The following MYO1E variants were observed in gnomAD, a reference collection of about 807,000 sequenced individuals.
MYO1E encodes the protein myosin IE, also known as unconventional myosin-Ie.
Under a neutral mutation model 151.1 loss-of-function variants are expected in MYO1E, and 68 were observed. That is an observed-to-expected ratio of 0.45 (90% CI 0.37 to 0.55). MYO1E has a LOEUF of 0.55. Among genes scored for constraint, MYO1E ranks in the 20% least tolerant of loss-of-function variants. MYO1E has a pLI of 0.00. For missense variants in MYO1E, 1,363 were observed against 1,389.3 expected (o/e 0.98, Z 0.30); for synonymous variants, 601 against 501.7 (o/e 1.20, Z -2.64).
At chr15:59,208,616 G>T (rs544328140) in intron 14 of MYO1E, 65 bp downstream of exon 14, 13 of 1,578,426 alleles carry the variant, frequency 8.2e-6, no homozygotes, top group Middle Eastern at 1.7e-4. Flanking sequence ...TTTGCTTCAT[G>T]AGAAACCAGA....
chr15:59,354,238 C>T (rs1055834002), intron 1 of MYO1E, among the ~76,000 whole-genome samples: 1 of 152,128 alleles, frequency 6.6e-6, no homozygotes, highest in Non-Finnish European at 1.5e-5. Context: ...CCTTTGAGAC[C>T]GTCCTGGCCT....
At position 59,188,070 on chromosome 15, in the gene MYO1E, A is replaced by T. The variant is rs371590184; in HGVS notation, c.1904+48T>A. 356 of 1,352,896 alleles carry T rather than the reference A, an allele frequency of 2.6e-4. 1 individual carries two copies. In the South Asian group the frequency reaches 3.3e-3, roughly 12 times the overall value. The allele number at this position is 1,352,896 out of a possible 1,614,324, so 83.8% of individuals were successfully genotyped here. A position where few individuals can be genotyped will look rare whatever the true frequency, so the allele number is the denominator to read the frequency against. ...GGTGAATTGTATAGATTTGAATTAT[A>T]GCTCAATAAACCTGTTTTAAAAAAG... On this transcript the variant is annotated intron_variant, in intron 18 of 27. Transcript: ENST00000288235.
At chr15:59,318,445 T>G (rs2080603139) in intron 1 of MYO1E, among the ~76,000 whole-genome samples, 1 of 152,166 alleles carries the variant, frequency 6.6e-6, no homozygotes, top group Non-Finnish European at 1.5e-5. Flanking sequence ...TTTTTATAAT[T>G]GTCAAAGCAA....
chr15:59,191,376 T>C (rs559305379), intron 17 of MYO1E, among the ~76,000 whole-genome samples: 1 of 118,898 alleles, frequency 8.4e-6, no homozygotes, highest in South Asian at 2.3e-4. Flanking sequence ...GAGAAAGAAA[T>C]GTCATGTCAA....
chr15:59,306,388 A>G (rs2140407147), intron 1 of MYO1E, among the ~76,000 whole-genome samples: 1 of 152,360 alleles, frequency 6.6e-6, no homozygotes, highest in Non-Finnish European at 1.5e-5. Flanking sequence ...CCTAGGGCAC[A>G]TTAATGAAAG....
At chr15:59,368,210 C>T (rs917116451) in intron 1 of MYO1E, among the ~76,000 whole-genome samples, 3 of 152,278 alleles carry the variant, frequency 2.0e-5, no homozygotes, top group East Asian at 1.9e-4. Context: ...GTAATATGGT[C>T]GATATAACCA....
chr15:59,153,668 T>C lies in MYO1E; in HGVS notation c.3002A>G (p.Gln1001Arg). 1 of 1,614,192 alleles carries C rather than the reference T, an allele frequency of 6.2e-7. No homozygotes were observed. Reference protein sequence around the residue: ...SMARPPLPRQQSTSSDRVSQT... With the variant: ...SMARPPLPRQRSTSSDRVSQT... ...TGACACTCGGTCTGAACTGGTAGACTGCTGCCGAGGCAAGGGCGGGCGGGC... is the reference window on the plus strand; with the variant it reads ...TGACACTCGGTCTGAACTGGTAGACCGCTGCCGAGGCAAGGGCGGGCGGGC... Residue 1001 changes from glutamine (Q) to arginine (R), a missense_variant, in exon 26 of 28, where the codon CAG becomes CGG. Coordinates refer to ENST00000288235, the MANE Select transcript of MYO1E (RefSeq NM_004998.4).
intron 1 of MYO1E, among the ~76,000 whole-genome samples, chr15:59,354,710 G>A (rs1490770826): frequency 6.6e-6 from 1 of 152,190 alleles, no homozygotes; most frequent in African/African-American, 2.4e-5. Context: ...TTTTGACCTG[G>A]AAAGAGTAGC....
chr15:59,363,527 T>G (rs2080897346), intron 1 of MYO1E, among the ~76,000 whole-genome samples: 1 of 152,220 alleles, frequency 6.6e-6, no homozygotes, highest in African/African-American at 2.4e-5. Flanking sequence ...GGACTCGGCA[T>G]TGTCAAATTT....
At chr15:59,334,031 A>G (rs2080713597) in intron 1 of MYO1E, among the ~76,000 whole-genome samples, 1 of 152,186 alleles carries the variant, frequency 6.6e-6, no homozygotes, top group Non-Finnish European at 1.5e-5. Flanking sequence ...ACAATGACTC[A>G]CACCTGTAAT....
intron 1 of MYO1E, among the ~76,000 whole-genome samples, chr15:59,285,954 CT>C (rs2080385355): frequency 6.6e-6 from 1 of 152,328 alleles, no homozygotes. Context: ...GTAGTAGCTG[CT>C]CAATACCTTT....
At chr15:59,240,237 G>C (rs1298283030) in intron 4 of MYO1E, among the ~76,000 whole-genome samples, 1 of 152,258 alleles carries the variant, frequency 6.6e-6, no homozygotes, top group Non-Finnish European at 1.5e-5. Context: ...TCCAGGGACA[G>C]AGTCTAGGAA....
In MYO1E at chr15:59,372,576, C is replaced by T. The variant is rs1381856680; in HGVS notation, c.-76G>A. 4 of 1,516,848 alleles carry T rather than the reference C, an allele frequency of 2.6e-6. No individual in the cohort carries two copies. Among genetic ancestry groups the T allele is most frequent in the Non-Finnish European group, 3.5e-6 (4 of 1,130,634 alleles). 94.0% of individuals were successfully genotyped at this position (1,516,848 alleles called of 1,614,324 possible). ...TGGGGCTGGAACGCAGTCTTCTGGG[C>T]GAACTTCAAAAGTTGGTTCCCCTCG... On this transcript the variant is annotated 5_prime_UTR_variant, in exon 1 of 28. Transcript: ENST00000288235.
rs375328721 is a variant in MYO1E, at chr15:59,138,186, C to G, written c.3250+12G>C. The stretch of plus-strand genomic sequence containing the variant: ...TTGGGAGGCTGTCCCAGCCAACCAG[C>G]CACACACTTACCTTCTTTGATAATA... On this transcript the variant is annotated intron_variant, in intron 27 of 27. Coordinates refer to ENST00000288235, the MANE Select transcript of MYO1E (RefSeq NM_004998.4). 197 of 1,613,834 alleles carry G rather than the reference C, an allele frequency of 1.2e-4. No individual in the cohort carries two copies. Among genetic ancestry groups the G allele is most frequent in the Non-Finnish European group, 1.6e-4 (184 of 1,179,966 alleles).
intron 13 of MYO1E, among the ~76,000 whole-genome samples, chr15:59,210,013 A>G (rs1260335953): frequency 6.6e-6 from 1 of 151,238 alleles, no homozygotes; most frequent in East Asian, 2.0e-4. Context: ...TTTTGTATTT[A>G]GCTAATACAA....
At position 59,206,939 on chromosome 15, in the gene MYO1E, C is replaced by T. The variant is rs1161144145; in HGVS notation, c.1531-1454G>A. On this transcript the variant is annotated intron_variant, in intron 14 of 27. Transcript: ENST00000288235. ...CTCTCTCCACTTCTTCAGTGAGCAG[C>T]CATGAGTTGGACTGTGCCTGTTGTG... 5.0e-6 allele frequency: 8 copies of T among 1,609,138 alleles called. No individual in the cohort carries two copies. In the African/African-American group the frequency reaches 5.3e-5, roughly 11 times the overall value.
chr15:59,208,260 G>A (rs111978924), intron 14 of MYO1E: 12 of 621,074 alleles, frequency 1.9e-5, no homozygotes, highest in African/African-American at 3.7e-5. Context: ...CGTGCTGGAC[G>A]ATACTTATTT....
At position 59,337,154 on chromosome 15, in the gene MYO1E, T is replaced by C. The variant is rs190600411; in HGVS notation, c.3+35344A>G. Among the ~76,000 whole-genome samples the C allele has an allele frequency of 6.2e-4, 95 of 152,332 alleles. 1 individual carries two copies. The highest frequency in any genetic ancestry group is 2.3e-3 in the African/African-American group (94 of 41,578). On this transcript the variant is annotated intron_variant, in intron 1 of 27. Coordinates refer to ENST00000288235, the MANE Select transcript of MYO1E (RefSeq NM_004998.4). ...TGATTCTTATGGAGGTGTTTTATTA[T>C]TATGAATATTTCCGTTTTACAGATG...
chr15:59,229,385 G>C (rs1237219343), intron 6 of MYO1E, among the ~76,000 whole-genome samples: 1 of 152,196 alleles, frequency 6.6e-6, no homozygotes, highest in Non-Finnish European at 1.5e-5. Context: ...TCAAGGTTGA[G>C]AACCACTGCT....
Sources: allele counts gnomAD v4.1 joint callset (sites outside exome capture counted in the v4.1 genomes callset), GRCh38; gene constraint gnomAD v4.1.1; transcripts MANE v1.5; gene names NCBI Gene and HGNC (gene_info 2026-07-23, HGNC 2026-07-21).